RALGPS2: variants seen among roughly 807,000 people sequenced by gnomAD.
RALGPS2 encodes Ral GEF with PH domain and SH3 binding motif 2, also known as ras-specific guanine nucleotide-releasing factor RalGPS2.
Under a neutral mutation model 86.8 loss-of-function variants are expected in RALGPS2, and 43 were observed. The observed-to-expected ratio is 0.50, with a 90% CI of 0.39 to 0.64. RALGPS2 has a LOEUF of 0.64. Ranked by LOEUF, RALGPS2 falls within the 30% of genes least tolerant of loss-of-function variation. The pLI is 0.00. For missense variants in RALGPS2, 536 were observed against 694.6 expected (o/e 0.77, Z 2.57); for synonymous variants, 243 against 231.3 (o/e 1.05, Z -0.46).
chr1:178,854,574 A>G (rs1657403944), intron 8 of RALGPS2, among the ~76,000 whole-genome samples: 1 of 152,146 alleles, frequency 6.6e-6, no homozygotes, highest in Non-Finnish European at 1.5e-5. Flanking sequence ...AAAGAGTTGT[A>G]TCAATCTGTA....
chr1:178,791,939 T>G (rs1271776309), intron 4 of RALGPS2, among the ~76,000 whole-genome samples: 1 of 152,228 alleles, frequency 6.6e-6, no homozygotes, highest in Admixed American at 6.5e-5. Context: ...AACTGTCTTA[T>G]CTCTGAAGTG....
chr1:178,755,213 G>A (rs1651888341), intron 1 of RALGPS2, among the ~76,000 whole-genome samples: 1 of 151,972 alleles, frequency 6.6e-6, no homozygotes, highest in Admixed American at 6.6e-5. Context: ...GATTCATGGG[G>A]TACATGTGTA....
intron 17 of RALGPS2, among the ~76,000 whole-genome samples, chr1:178,898,204 G>T (rs1660026963): frequency 6.6e-6 from 1 of 151,904 alleles, no homozygotes. Context: ...TTTTCACCCT[G>T]TAGAATTTTC....
At chr1:178,838,969 G>A (rs945300519) in intron 8 of RALGPS2, among the ~76,000 whole-genome samples, 1 of 151,902 alleles carries the variant, frequency 6.6e-6, no homozygotes, top group African/African-American at 2.4e-5. Context: ...AGAGAAAAAA[G>A]TAAAAAGAAA....
intron 1 of RALGPS2, among the ~76,000 whole-genome samples, chr1:178,733,899 G>A (rs1029558371): frequency 2.0e-5 from 3 of 152,148 alleles, no homozygotes; most frequent in Non-Finnish European, 2.9e-5. Context: ...TAAATTTTTT[G>A]TGCTTCAAAG....
chr1:178,897,981 A>G (rs1222038098), intron 17 of RALGPS2, among the ~76,000 whole-genome samples: 2 of 151,970 alleles, frequency 1.3e-5, no homozygotes, highest in Non-Finnish European at 2.9e-5. Context: ...AGCTTTCTCA[A>G]ATCTGGAGTT....
chr1:178,909,310 G>A (rs910678481), intron 19 of RALGPS2, among the ~76,000 whole-genome samples: 1 of 152,062 alleles, frequency 6.6e-6, no homozygotes, highest in African/African-American at 2.4e-5. Context: ...CTATTTTTTG[G>A]TTACTGTAGT....
intron 1 of RALGPS2, among the ~76,000 whole-genome samples, chr1:178,749,447 A>G (rs1017653899): frequency 6.6e-6 from 1 of 152,178 alleles, no homozygotes; most frequent in Admixed American, 6.5e-5. Flanking sequence ...GTTTTTCAGC[A>G]GTTTACTAAT....
chr1:178,920,621 A>T lies in RALGPS2; in HGVS notation c.*4262A>T, dbSNP rs549132981. The T allele has an allele frequency of 6.6e-6, 1 of 151,998 alleles. No homozygotes were observed. Among genetic ancestry groups the T allele is most frequent in the Non-Finnish European group, 1.5e-5 (1 of 67,904 alleles). 9.4% of individuals were successfully genotyped at this position (151,998 alleles called of 1,614,324 possible). ...TTTTAGAGTAGGAGATTAAAAATAA[A>T]CCCACCCCAGTCAACCTTTAGATAA... On this transcript the variant is annotated 3_prime_UTR_variant, in exon 20 of 20. Transcript: ENST00000367635.
In RALGPS2 at chr1:178,760,860, A is replaced by C. The variant is rs541565427; in HGVS notation, c.-83-15822A>C. On this transcript the variant is annotated intron_variant, in intron 1 of 19. Transcript: ENST00000367635. ...TAGCAAGATTAGGGAAATTTTCTTG[A>C]ATTATTTTCTCAAATATATTTTCCA... 2.0e-5 allele frequency among the ~76,000 whole-genome samples: 3 copies of C among 152,138 alleles called. No individual in the cohort carries two copies. The East Asian group carries it at 5.8e-4, about 29-fold the overall frequency.
chr1:178,856,202 G>GATAGATAGATAGATATAT (rs1553271351), intron 8 of RALGPS2, among the ~76,000 whole-genome samples: 1 of 83,908 alleles, frequency 1.2e-5, no homozygotes, highest in African/African-American at 6.4e-5. Context: ...GAGAGAGAGA[G>GATAGATAGATAGATATAT]ATATATATAT....
chr1:178,915,209 AACTTTT>A (rs2102426057), intron 19 of RALGPS2, among the ~76,000 whole-genome samples: 1 of 152,326 alleles, frequency 6.6e-6, no homozygotes, highest in Admixed American at 6.5e-5. Context: ...AAAGAAATGA[AACTTTT>A]ACTTTACTTA....
chr1:178,775,402 A>G (rs1321381717), intron 1 of RALGPS2, among the ~76,000 whole-genome samples: 2 of 152,204 alleles, frequency 1.3e-5, no homozygotes, highest in African/African-American at 4.8e-5. Flanking sequence ...TGAATGTAGC[A>G]TAGAGTACCT....
intron 2 of RALGPS2, among the ~76,000 whole-genome samples, chr1:178,778,885 A>G (rs1653240444): frequency 2.0e-5 from 3 of 152,350 alleles, no homozygotes; most frequent in South Asian, 4.1e-4. Flanking sequence ...AGTGATTCGT[A>G]TGTTCCCTGT....
Position 178,851,234 on chromosome 1 carries a change from T to C in RALGPS2, c.607+17684T>C. 3 of 1,614,034 alleles carry C rather than the reference T, an allele frequency of 1.9e-6. No homozygotes were observed. The South Asian group carries it at 3.3e-5, about 18-fold the overall frequency. On this transcript the variant is annotated intron_variant, in intron 8 of 19. Coordinates refer to ENST00000367635, the MANE Select transcript of RALGPS2 (RefSeq NM_152663.5). ...CTTGGTGCTTGCTTCTGTAATGGCC[T>C]CCTCTGTACCATACTCCATTTAGGT...
At chr1:178,895,692 G>C (rs540733542) in intron 16 of RALGPS2, among the ~76,000 whole-genome samples, 4 of 152,006 alleles carry the variant, frequency 2.6e-5, no homozygotes, top group Non-Finnish European at 5.9e-5. Flanking sequence ...AATTAAACAT[G>C]ATGTATGAGA....
chr1:178,851,431 C>T, intron 8 of RALGPS2: 3 of 912,098 alleles, frequency 3.3e-6, no homozygotes, highest in South Asian at 5.8e-5. Flanking sequence ...ATCCCAGTTA[C>T]CTTTATCTCA....
chr1:178,827,806 T>C (rs1305030112), intron 7 of RALGPS2, among the ~76,000 whole-genome samples: 1 of 152,088 alleles, frequency 6.6e-6, no homozygotes, highest in African/African-American at 2.4e-5. Flanking sequence ...CAGAAATAAA[T>C]ACACACATTT....
chr1:178,730,561 A>G (rs1432636859), intron 1 of RALGPS2, among the ~76,000 whole-genome samples: 2 of 147,562 alleles, frequency 1.4e-5, no homozygotes, highest in African/African-American at 5.2e-5. Context: ...CAGGTAATTG[A>G]CCCTTCAGTT....
Sources: gnomAD v4.1 joint callset for allele counts (sites outside exome capture counted in the v4.1 genomes callset) on GRCh38, gnomAD v4.1.1 for gene constraint, MANE v1.5 for transcripts, NCBI Gene and HGNC (gene_info 2026-07-23, HGNC 2026-07-21) for gene names.